The following UGGT2 variants were observed in gnomAD, a reference collection of about 807,000 sequenced individuals.
UGGT2 encodes the protein UDP-glucose glycoprotein glucosyltransferase 2, also known as UDP-glucose:glycoprotein glucosyltransferase 2.
Under a neutral mutation model 192.1 loss-of-function variants are expected in UGGT2, and 180 were observed. The ratio of observed to expected loss-of-function variants is 0.94; its 90% CI spans 0.83 to 1.06. The LOEUF is 1.06. UGGT2 is among the 50% of genes least tolerant of loss of function. The pLI is 0.00. For synonymous variants in UGGT2, 580 were observed against 591.0 expected, an observed-to-expected ratio of 0.98 and a Z score of 0.27; for missense variants, 1,849 against 1,795.7, an observed-to-expected ratio of 1.03 and a Z score of -0.54.
intron 1 of UGGT2, among the ~76,000 whole-genome samples, chr13:96,051,192 T>A (rs143388621): frequency 6.6e-6 from 1 of 152,132 alleles, no homozygotes; most frequent in Non-Finnish European, 1.5e-5. Context: ...GGGACATGCA[T>A]GCAGCTGGAA....
chr13:96,009,784 G>C (rs1018399855), intron 5 of UGGT2, among the ~76,000 whole-genome samples: 1 of 152,170 alleles, frequency 6.6e-6, no homozygotes, highest in Non-Finnish European at 1.5e-5. Flanking sequence ...CTCCAGCCTG[G>C]CGATAGAGCA....
chr13:95,852,264 A>C (rs1300672289), intron 36 of UGGT2, among the ~76,000 whole-genome samples: 2 of 152,062 alleles, frequency 1.3e-5, no homozygotes, highest in South Asian at 2.1e-4. Flanking sequence ...AACCATACTG[A>C]CTTTCTTGCT....
At chr13:95,802,978 C>T (rs374049082) in intron 38 of UGGT2, among the ~76,000 whole-genome samples, 2 of 151,866 alleles carry the variant, frequency 1.3e-5, no homozygotes, top group African/African-American at 2.4e-5. Flanking sequence ...GGACTACAGG[C>T]GCCCGCCACC....
chr13:95,856,023 G>T, intron 34 of UGGT2, 135 bp downstream of exon 34: 2 of 664,538 alleles, frequency 3.0e-6, no homozygotes, highest in Non-Finnish European at 4.6e-6. Context: ...AAGATACTTT[G>T]CTTATATATC....
chr13:95,857,847 C>T (rs578202337), intron 33 of UGGT2, among the ~76,000 whole-genome samples: 67 of 152,198 alleles, frequency 4.4e-4, no homozygotes, highest in Non-Finnish European at 7.1e-4. Flanking sequence ...TGAATAATAT[C>T]TTTTCCTGCT....
chr13:95,958,993 G>T (rs1255656786), intron 12 of UGGT2, among the ~76,000 whole-genome samples: 1 of 152,192 alleles, frequency 6.6e-6, no homozygotes, highest in African/African-American at 2.4e-5. Flanking sequence ...ATCCAGAGAG[G>T]GAGCTCATGC....
At chr13:95,818,828 C>T (rs1042982915) in intron 38 of UGGT2, among the ~76,000 whole-genome samples, 1 of 152,124 alleles carries the variant, frequency 6.6e-6, no homozygotes, top group African/African-American at 2.4e-5. Context: ...CAGAGACCTG[C>T]AGGAAGAAGC....
chr13:96,015,670 GAAGTA>G (rs571381618), intron 4 of UGGT2, among the ~76,000 whole-genome samples: 29 of 152,294 alleles, frequency 1.9e-4, no homozygotes, highest in Non-Finnish European at 2.8e-4. Context: ...AAAAATTTTA[GAAGTA>G]GAGTATAAAA....
At chr13:95,842,875 C>T (rs561205019) in intron 36 of UGGT2, among the ~76,000 whole-genome samples, 348 of 152,236 alleles carry the variant, frequency 2.3e-3, no homozygotes, top group Non-Finnish European at 3.5e-3. Flanking sequence ...GACGGCAGTC[C>T]CCGGGCTGAC....
chr13:95,925,374 T>C (rs985822421), intron 20 of UGGT2, among the ~76,000 whole-genome samples: 7 of 152,318 alleles, frequency 4.6e-5, no homozygotes, highest in Admixed American at 3.3e-4. Context: ...TTCGGGTCAC[T>C]GAAGTGGTGG....
intron 19 of UGGT2, 30 bp downstream of exon 19, chr13:95,926,998 G>T: frequency 6.4e-7 from 1 of 1,551,730 alleles, no homozygotes; most frequent in South Asian, 1.2e-5. Context: ...ATCACTTTAA[G>T]AATTCAGGTA....
intron 15 of UGGT2, among the ~76,000 whole-genome samples, chr13:95,943,670 C>T (rs1320635165): frequency 2.0e-5 from 3 of 151,978 alleles, no homozygotes; most frequent in Admixed American, 6.6e-5. Context: ...TACTAACCTC[C>T]TGTGTCAAAT....
chr13:96,052,239 T>C (rs574714620), intron 1 of UGGT2, among the ~76,000 whole-genome samples: 2 of 152,306 alleles, frequency 1.3e-5, no homozygotes, highest in East Asian at 1.9e-4. Flanking sequence ...ATATAGTATG[T>C]TCTCACTGAT....
chr13:95,840,094 A>G (rs1166103607), intron 36 of UGGT2, among the ~76,000 whole-genome samples: 2 of 152,210 alleles, frequency 1.3e-5, no homozygotes, highest in Non-Finnish European at 2.9e-5. Flanking sequence ...TAAAAACCCT[A>G]GAAGAAAACC....
At chr13:95,825,599 G>T (rs988591751) in intron 38 of UGGT2, among the ~76,000 whole-genome samples, 2 of 152,170 alleles carry the variant, frequency 1.3e-5, no homozygotes, top group Non-Finnish European at 2.9e-5. Context: ...ACCCTGAAGT[G>T]TTCCAGGAAG....
At position 95,837,131 on chromosome 13, in the gene UGGT2, G is replaced by C; in HGVS notation, c.4356C>G (p.Thr1452=). The change falls in exon 37 of 39, where the codon ACC becomes ACG. Residue 1452 remains threonine, a synonymous_variant. Coordinates refer to ENST00000376747, the MANE Select transcript of UGGT2 (RefSeq NM_020121.4). Reference sequence around the variant, plus strand: ...TTTGTTTGGATTCATCATCACACCAGGTTTCACACCACAGCCAGTCTTGAG... The same window carrying C: ...TTTGTTTGGATTCATCATCACACCACGTTTCACACCACAGCCAGTCTTGAG... ...SLPQDWLWCE[T]WCDDESKQRA... 1 of 1,613,998 alleles carries C rather than the reference G, an allele frequency of 6.2e-7. No individual in the cohort carries two copies. Among genetic ancestry groups the C allele is most frequent in the South Asian group, 1.1e-5 (1 of 91,070 alleles).
chr13:95,847,487 C>T (rs1324538728), intron 36 of UGGT2, among the ~76,000 whole-genome samples: 2 of 152,162 alleles, frequency 1.3e-5, no homozygotes, highest in Non-Finnish European at 2.9e-5. Context: ...CTCTGACAAC[C>T]ACTTATCTTT....
At chr13:95,932,016 T>C (rs922115450) in intron 17 of UGGT2, among the ~76,000 whole-genome samples, 2 of 152,212 alleles carry the variant, frequency 1.3e-5, no homozygotes, top group Non-Finnish European at 2.9e-5. Context: ...AGATTTGTTC[T>C]TTTTCTTGGA....
chr13:95,912,964 T>C (rs1287097708), intron 20 of UGGT2, among the ~76,000 whole-genome samples: 4 of 151,164 alleles, frequency 2.6e-5, no homozygotes, highest in African/African-American at 4.9e-5. Flanking sequence ...CTTTGACAAA[T>C]CTGACAAAAA....
Sources: gnomAD v4.1 joint callset for allele counts (sites outside exome capture counted in the v4.1 genomes callset) on GRCh38, gnomAD v4.1.1 for gene constraint, MANE v1.5 for transcripts, NCBI Gene and HGNC (gene_info 2026-07-23, HGNC 2026-07-21) for gene names.